EPHA6: variants seen among roughly 807,000 people sequenced by gnomAD.
EPHA6 encodes the protein ephrin type-A receptor 6.
In EPHA6, 50 loss-of-function variants were observed where a neutral mutation model predicts 112.0. The ratio of observed to expected loss-of-function variants is 0.45; its 90% CI spans 0.36 to 0.56. The LOEUF (loss-of-function observed/expected upper bound fraction) is 0.56. EPHA6 is among the 20% of genes least tolerant of loss of function. The pLI, the probability that EPHA6 is intolerant of heterozygous loss-of-function variation, is 0.00. For synonymous variants in EPHA6, 529 were observed against 490.7 expected (o/e 1.08, Z -1.03); for missense variants, 1,280 against 1,417.4 (o/e 0.90, Z 1.56).
rs11926751 is a variant in EPHA6 at position 97,758,876 on chromosome 3, T to C, written c.*10175T>C. On this transcript the variant is annotated 3_prime_UTR_variant, in exon 18 of 18. Transcript: ENST00000389672. ...GTTGGAGAGTAGAGAACAGTGTTCT[T>C]GGTACACTGAAATGAGGCAAAAAGA... Among the ~76,000 whole-genome samples the C allele has an allele frequency of 6.7e-3, 1,026 of 152,036 alleles. 9 individuals carry two copies. The highest frequency in any genetic ancestry group is 0.023 in the African/African-American group (938 of 41,520).
intron 1 of EPHA6, among the ~76,000 whole-genome samples, chr3:96,837,744 C>CA (rs1223922271): frequency 4.5e-4 from 68 of 151,888 alleles, no homozygotes; most frequent in Admixed American, 4.1e-3. Context: ...ATACGTATAA[C>CA]AAAATCAAAA....
chr3:96,956,750 G>T (rs1236255543), intron 2 of EPHA6, among the ~76,000 whole-genome samples: 1 of 152,076 alleles, frequency 6.6e-6, no homozygotes, highest in African/African-American at 2.4e-5. Context: ...TATAAAAAAT[G>T]TAGGCTGGGT....
intron 3 of EPHA6, among the ~76,000 whole-genome samples, chr3:97,126,488 A>G (rs926945418): frequency 1.3e-5 from 2 of 152,238 alleles, no homozygotes; most frequent in African/African-American, 4.8e-5. Flanking sequence ...AAATGACAAT[A>G]TAACTCCACA....
chr3:97,298,255 G>A (rs1235809519), intron 5 of EPHA6, among the ~76,000 whole-genome samples: 2 of 152,124 alleles, frequency 1.3e-5, no homozygotes, highest in Admixed American at 6.5e-5. Context: ...CAAACCTAGA[G>A]ATGAGTGAGT....
At position 97,244,187 on chromosome 3, in the gene EPHA6, C is replaced by T. The variant is rs200900494; in HGVS notation, c.1506C>T (p.His502=). Reference sequence around the variant, plus strand: ...TGATAGTACTTGACTTTGTGTCTCACGTGAATTACACCTTTGAAATAGAAG... The same window carrying T: ...TGATAGTACTTGACTTTGTGTCTCATGTGAATTACACCTTTGAAATAGAAG... ...NSVIVLDFVS[H]VNYTFEIEAM... Residue 502 remains histidine (H), a synonymous_variant, in exon 5 of 18, where the codon CAC becomes CAT. Coordinates refer to ENST00000389672, the MANE Select transcript of EPHA6 (RefSeq NM_001080448.3). 141 of 1,613,162 alleles carry T rather than the reference C, an allele frequency of 8.7e-5. No individual in the cohort carries two copies. The highest frequency in any genetic ancestry group is 8.7e-4 in the East Asian group (39 of 44,878).
At chr3:97,323,223 T>C (rs1310593907) in intron 5 of EPHA6, among the ~76,000 whole-genome samples, 1 of 151,976 alleles carries the variant, frequency 6.6e-6, no homozygotes, top group African/African-American at 2.4e-5. Context: ...AAGTTCTGCA[T>C]AAATTCTGAA....
intron 5 of EPHA6, among the ~76,000 whole-genome samples, chr3:97,320,881 GA>G (rs1433950815): frequency 6.9e-6 from 1 of 144,984 alleles, no homozygotes; most frequent in Non-Finnish European, 1.5e-5. Flanking sequence ...TCCTTGTCAA[GA>G]GGTAATTCCA....
At chr3:97,573,935 A>C (rs2093358122) in intron 11 of EPHA6, among the ~76,000 whole-genome samples, 3 of 151,574 alleles carry the variant, frequency 2.0e-5, no homozygotes, top group Admixed American at 2.0e-4. Flanking sequence ...AGGGATGCAA[A>C]TAGAATAGTT....
intron 14 of EPHA6, among the ~76,000 whole-genome samples, chr3:97,675,113 G>C (rs1315883126): frequency 6.6e-6 from 1 of 152,166 alleles, no homozygotes; most frequent in East Asian, 1.9e-4. Context: ...AAAGCAATTA[G>C]AGACCTGCAT....
At chr3:97,727,550 G>T (rs1295193018) in intron 15 of EPHA6, among the ~76,000 whole-genome samples, 1 of 151,936 alleles carries the variant, frequency 6.6e-6, no homozygotes, top group Admixed American at 6.6e-5. Context: ...TCCAATTTTT[G>T]TCTCTGATTA....
At chr3:97,538,704 A>C (rs1171340876) in intron 11 of EPHA6, among the ~76,000 whole-genome samples, 5 of 152,210 alleles carry the variant, frequency 3.3e-5, no homozygotes, top group African/African-American at 1.2e-4. Context: ...TCAATAGAAT[A>C]AAATGAGCTG....
chr3:96,822,549 T>C (rs559360373), intron 1 of EPHA6, among the ~76,000 whole-genome samples: 39 of 151,926 alleles, frequency 2.6e-4, no homozygotes, highest in African/African-American at 7.7e-4. Flanking sequence ...GACGTACTTT[T>C]TGATCAGAGG....
chr3:96,895,672 T>TGTA (rs1165312143), intron 2 of EPHA6, among the ~76,000 whole-genome samples: 1 of 152,182 alleles, frequency 6.6e-6, no homozygotes, highest in Non-Finnish European at 1.5e-5. Context: ...TTGTTGTTGT[T>TGTA]GTACCATTTC....
chr3:97,557,148 C>T (rs1366915767), intron 11 of EPHA6, among the ~76,000 whole-genome samples: 1 of 151,928 alleles, frequency 6.6e-6, no homozygotes, highest in Non-Finnish European at 1.5e-5. Flanking sequence ...TGTGATTTCA[C>T]ATCACAAAGG....
intron 2 of EPHA6, among the ~76,000 whole-genome samples, chr3:96,959,122 C>T (rs1214261192): frequency 6.6e-6 from 1 of 152,136 alleles, no homozygotes. Flanking sequence ...TACATTCCCA[C>T]CAGAAATGCT....
intron 5 of EPHA6, among the ~76,000 whole-genome samples, chr3:97,366,385 A>G (rs1285228633): frequency 3.3e-5 from 5 of 151,762 alleles, no homozygotes; most frequent in Non-Finnish European, 5.9e-5. Flanking sequence ...CCCTAAGTCA[A>G]TCCAGAAGGC....
rs185955592 is a variant in EPHA6, at chr3:96,856,986, G to A, written c.386-9839G>A. Among the ~76,000 whole-genome samples, 3 of 152,102 alleles carry A rather than the reference G, an allele frequency of 2.0e-5. No homozygotes were observed. In the East Asian group the frequency reaches 5.8e-4, roughly 29 times the overall value. ...TAATCTTCTCAGTCACAAAAGCTAA[G>A]GATTGAATTTTGAACCTGATTATTT... On this transcript the variant is annotated intron_variant, in intron 1 of 17. Coordinates refer to ENST00000389672, the MANE Select transcript of EPHA6 (RefSeq NM_001080448.3).
At chr3:97,389,978 G>A (rs566238753) in intron 5 of EPHA6, among the ~76,000 whole-genome samples, 2 of 152,030 alleles carry the variant, frequency 1.3e-5, no homozygotes, top group Non-Finnish European at 2.9e-5. Flanking sequence ...AGTGATTTGT[G>A]AACAACAATT....
At chr3:97,001,507 T>G (rs2043662909) in intron 3 of EPHA6, among the ~76,000 whole-genome samples, 1 of 152,024 alleles carries the variant, frequency 6.6e-6, no homozygotes, top group Admixed American at 6.6e-5. Flanking sequence ...ACTCAGTTTT[T>G]TCCTTCCTTT....
Sources: gnomAD v4.1 joint callset for allele counts (sites outside exome capture counted in the v4.1 genomes callset) on GRCh38, gnomAD v4.1.1 for gene constraint, MANE v1.5 for transcripts, NCBI Gene and HGNC (gene_info 2026-07-23, HGNC 2026-07-21) for gene names.